RAPGEF1: variants seen among roughly 807,000 people sequenced by gnomAD.
The protein encoded by RAPGEF1 is CRK SH3-binding GNRP.
Under a neutral mutation model 143.3 loss-of-function variants are expected in RAPGEF1, and 33 were observed. The observed-to-expected ratio is 0.23, with a 90% CI of 0.17 to 0.31. The LOEUF is 0.31. Among genes scored for constraint, RAPGEF1 ranks in the 10% least tolerant of loss-of-function variants. RAPGEF1 has a pLI of 1.00. For missense variants in RAPGEF1, 1,199 were observed against 1,645.4 expected (o/e 0.73, Z 4.69); for synonymous variants, 629 against 676.5 (o/e 0.93, Z 1.09).
intron 1 of RAPGEF1, among the ~76,000 whole-genome samples, chr9:131,734,274 C>T (rs1009361554): frequency 3.3e-5 from 5 of 152,306 alleles, no homozygotes; most frequent in Middle Eastern, 3.4e-3. Flanking sequence ...ACCAAATTTC[C>T]CTGGGCCTTA....
Position 131,629,403 on chromosome 9 carries a change from G to T in RAPGEF1, c.741-149C>A, listed in dbSNP as rs950051583. On this transcript the variant is annotated intron_variant, in intron 6 of 26. Transcript: ENST00000683357. Reference sequence around the variant, plus strand: ...GGCTCCCTGGATATAGAACCCTGGGGTTCTGGTTTGGTTGCTAATGAGCTA... The same window carrying T: ...GGCTCCCTGGATATAGAACCCTGGGTTTCTGGTTTGGTTGCTAATGAGCTA... The T allele has an allele frequency of 3.8e-5, 31 of 814,108 alleles. No individual in the cohort carries two copies. In the African/African-American group the frequency reaches 5.3e-4, roughly 14 times the overall value. The allele number at this position is 814,108 out of a possible 1,614,324, so 50.4% of individuals were successfully genotyped here.
chr9:131,707,545 G>T (rs952196000), intron 1 of RAPGEF1, among the ~76,000 whole-genome samples: 2 of 152,046 alleles, frequency 1.3e-5, no homozygotes, highest in Non-Finnish European at 1.5e-5. Flanking sequence ...GGCTCAAGCA[G>T]TTCTTGTGCC....
chr9:131,627,213 C>CAAAAAAAA (rs10690802), intron 9 of RAPGEF1, among the ~76,000 whole-genome samples: 8 of 97,394 alleles, frequency 8.2e-5, no homozygotes, highest in East Asian at 3.8e-4. Context: ...GGCTCTGTCT[C>CAAAAAAAA]AAAAAAAAAA....
At chr9:131,732,589 C>T (rs759976822) in intron 1 of RAPGEF1, among the ~76,000 whole-genome samples, 3 of 152,192 alleles carry the variant, frequency 2.0e-5, no homozygotes, top group Non-Finnish European at 4.4e-5. Flanking sequence ...CTAACCTCAT[C>T]ATTAGTGTTC....
At chr9:131,669,922 C>T (rs1831080465) in intron 1 of RAPGEF1, among the ~76,000 whole-genome samples, 11 of 152,160 alleles carry the variant, frequency 7.2e-5, no homozygotes. Flanking sequence ...TAACACAAGG[C>T]CCTGCCCACG....
At chr9:131,725,128 T>C (rs1277177429) in intron 1 of RAPGEF1, 1 of 152,206 alleles carries the variant, frequency 6.6e-6, no homozygotes. Context: ...TACTTAGGTA[T>C]GTATGTATGT....
At chr9:131,590,267 G>A (rs1489142424) in intron 18 of RAPGEF1, among the ~76,000 whole-genome samples, 3 of 150,610 alleles carry the variant, frequency 2.0e-5, no homozygotes, top group East Asian at 1.9e-4. Context: ...GGTTCACCCC[G>A]AGGTGCCCAT....
At chr9:131,596,509 C>A in intron 16 of RAPGEF1, 136 bp from the exon 17 acceptor site, 1 of 882,610 alleles carries the variant, frequency 1.1e-6, no homozygotes. Flanking sequence ...GCTCCTCGGC[C>A]CAGGAGCAGT....
chr9:131,687,930 G>A (rs1330960342), intron 1 of RAPGEF1, among the ~76,000 whole-genome samples: 1 of 152,210 alleles, frequency 6.6e-6, no homozygotes, highest in African/African-American at 2.4e-5. Flanking sequence ...GAACAAGTGT[G>A]TTACCCACGT....
intron 1 of RAPGEF1, among the ~76,000 whole-genome samples, chr9:131,739,143 C>A (rs1035734213): frequency 6.6e-6 from 1 of 152,174 alleles, no homozygotes; most frequent in Non-Finnish European, 1.5e-5. Context: ...CCCCAGATTT[C>A]TAGGAACACA....
At chr9:131,607,018 C>T (rs759369683) in intron 12 of RAPGEF1, among the ~76,000 whole-genome samples, 1 of 152,202 alleles carries the variant, frequency 6.6e-6, no homozygotes, top group Non-Finnish European at 1.5e-5. Flanking sequence ...CCTGTGTGTA[C>T]AGCCGTGGCC....
chr9:131,655,523 T>C lies in RAPGEF1; in HGVS notation c.62-4574A>G, dbSNP rs558970886. On this transcript the variant is annotated intron_variant, in intron 1 of 26. Transcript: ENST00000683357. The surrounding 1 kb of genome is among the most constrained non-coding windows in gnomAD (Gnocchi z 4.1). Reference sequence around the variant, plus strand: ...TCACCCAAGCAGGGTGGATCCCATTTACAGTTTATACTTCCTTCTTTATAC... The same window carrying C: ...TCACCCAAGCAGGGTGGATCCCATTCACAGTTTATACTTCCTTCTTTATAC... Among the ~76,000 whole-genome samples the C allele has an allele frequency of 6.6e-6, 1 of 152,368 alleles. No homozygotes were observed. Among genetic ancestry groups the C allele is most frequent in the South Asian group, 2.1e-4 (1 of 4,826 alleles).
chr9:131,682,106 G>A (rs555042932), intron 1 of RAPGEF1, among the ~76,000 whole-genome samples: 9 of 152,240 alleles, frequency 5.9e-5, no homozygotes, highest in African/African-American at 2.2e-4. Flanking sequence ...GTGGATAAAG[G>A]AAATACTCCA....
chr9:131,734,391 C>G, intron 1 of RAPGEF1, among the ~76,000 whole-genome samples: 1 of 152,316 alleles, frequency 6.6e-6, no homozygotes, highest in East Asian at 1.9e-4. Context: ...CTGAAAACCA[C>G]AGGAAATTGC....
intron 17 of RAPGEF1, among the ~76,000 whole-genome samples, chr9:131,592,806 A>G (rs766233032): frequency 2.0e-5 from 3 of 152,114 alleles, no homozygotes; most frequent in Admixed American, 6.5e-5. Context: ...GCTGGAGTGC[A>G]GTGGTGCGAT....
At chr9:131,679,171 G>A (rs1210403546) in intron 1 of RAPGEF1, among the ~76,000 whole-genome samples, 2 of 150,144 alleles carry the variant, frequency 1.3e-5, no homozygotes, top group Non-Finnish European at 3.0e-5. Context: ...TGACAAGGGG[G>A]GGGCCACAAG....
rs139378383 is a variant in RAPGEF1 at position 131,648,384 on chromosome 9, C to T, written c.315+1745G>A. Among the ~76,000 whole-genome samples the T allele has an allele frequency of 7.7e-3, 1,179 of 152,144 alleles. 7 individuals are homozygous for T. Among genetic ancestry groups the T allele is most frequent in the Non-Finnish European group, 0.011 (770 of 67,990 alleles). On this transcript the variant is annotated intron_variant, in intron 3 of 26. Coordinates refer to ENST00000683357, the MANE Select transcript of RAPGEF1 (RefSeq NM_001377935.1). ...CCAGCCTGGGCGACAGAGTGAGACT[C>T]TTATCTCAAAACAAACAAACAAACA...
At chr9:131,581,978 G>A (rs192972762) in intron 25 of RAPGEF1, among the ~76,000 whole-genome samples, 16 of 152,296 alleles carry the variant, frequency 1.1e-4, no homozygotes, top group African/African-American at 2.4e-5. Flanking sequence ...ATGCTGCTGC[G>A]CTTTTGGTCT....
chr9:131,707,452 C>T (rs1564188047), intron 1 of RAPGEF1, among the ~76,000 whole-genome samples: 1 of 151,830 alleles, frequency 6.6e-6, no homozygotes, highest in Non-Finnish European at 1.5e-5. Context: ...TTGATTTTTT[C>T]TTTTTTGAAA....
Sources: allele counts gnomAD v4.1 joint callset (sites outside exome capture counted in the v4.1 genomes callset), GRCh38; gene constraint gnomAD v4.1.1; non-coding constraint Gnocchi (gnomAD v3.1); transcripts MANE v1.5; gene names NCBI Gene and HGNC (gene_info 2026-07-23, HGNC 2026-07-21).